Variants in CA10 observed in about 807,000 individuals in gnomAD.
CA10 encodes the protein carbonic anhydrase 10 (inactive), also known as carbonic anhydrase-related protein 10.
CA10 carries 14 observed loss-of-function variants against 44.2 expected under a neutral mutation model. That is an observed-to-expected ratio of 0.32 (90% CI 0.21 to 0.50). CA10 has a LOEUF of 0.50. Ranked by LOEUF, CA10 falls within the 20% of genes least tolerant of loss-of-function variation. The probability of loss-of-function intolerance (pLI) is 0.99; values close to 1 mark genes in which losing one functional copy is unlikely to be tolerated. For synonymous variants in CA10, 159 were observed against 141.6 expected, an observed-to-expected ratio of 1.12 and a Z score of -0.87; for missense variants, 350 against 409.7, an observed-to-expected ratio of 0.85 and a Z score of 1.26.
chr17:52,081,519 G>T (rs1488007259), intron 1 of CA10, among the ~76,000 whole-genome samples: 1 of 152,160 alleles, frequency 6.6e-6, no homozygotes, highest in African/African-American at 2.4e-5. Context: ...TAGATGAAGC[G>T]GCCGGGCGCG....
At chr17:51,649,111 T>G in intron 6 of CA10, 71 bp downstream of exon 6, 1 of 1,093,166 alleles carries the variant, frequency 9.1e-7, no homozygotes, top group African/African-American at 1.5e-5. Flanking sequence ...TCATCAGTTC[T>G]GGCTTCCCGC....
intron 2 of CA10, among the ~76,000 whole-genome samples, chr17:51,948,654 T>C (rs1369658260): frequency 6.6e-6 from 1 of 152,178 alleles, no homozygotes; most frequent in African/African-American, 2.4e-5. Context: ...TTCCTTTTAT[T>C]ATGACTTTTT....
intron 3 of CA10, among the ~76,000 whole-genome samples, chr17:51,864,802 G>A (rs918463075): frequency 6.6e-6 from 1 of 152,144 alleles, no homozygotes; most frequent in Non-Finnish European, 1.5e-5. Context: ...CAACATGCAG[G>A]CTCACAACTC....
chr17:51,671,192 C>T (rs1487577442), intron 4 of CA10, among the ~76,000 whole-genome samples: 6 of 152,148 alleles, frequency 3.9e-5, no homozygotes, highest in East Asian at 1.9e-4. Flanking sequence ...GATTGGGGGC[C>T]GGCCTTTGGC....
At chr17:51,902,201 G>A (rs991281296) in intron 3 of CA10, among the ~76,000 whole-genome samples, 3 of 152,080 alleles carry the variant, frequency 2.0e-5, no homozygotes, top group East Asian at 1.9e-4. Flanking sequence ...TTGGGGCCTC[G>A]AGAAAACCTA....
intron 3 of CA10, among the ~76,000 whole-genome samples, chr17:51,849,998 A>T (rs1156394682): frequency 1.3e-5 from 2 of 152,216 alleles, no homozygotes; most frequent in African/African-American, 2.4e-5. Context: ...CTTCCCGAAG[A>T]CATGCTTCAA....
At chr17:52,115,647 G>A (rs1439291613) in intron 1 of CA10, among the ~76,000 whole-genome samples, 1 of 152,210 alleles carries the variant, frequency 6.6e-6, no homozygotes, top group Non-Finnish European at 1.5e-5. Context: ...ACAGATGGGT[G>A]AGCAGCAGCT....
In CA10 at chr17:51,781,365, T is replaced by C. The variant is rs1188036886; in HGVS notation, c.280-33547A>G. On this transcript the variant is annotated intron_variant, in intron 3 of 8. Transcript: ENST00000451037. ...CACTTTCTCCATAATTGGGATGCAT[T>C]TGAAGATGGAGATGTGGGATTGTCA... Among the ~76,000 whole-genome samples the C allele has an allele frequency of 2.6e-5, 4 of 152,322 alleles. No homozygotes were observed. The East Asian group carries it at 7.7e-4, about 29-fold the overall frequency.
intron 2 of CA10, among the ~76,000 whole-genome samples, chr17:51,947,683 C>CT (rs1983336039): frequency 6.6e-6 from 1 of 152,130 alleles, no homozygotes; most frequent in South Asian, 2.1e-4. Flanking sequence ...ACTTTCTGCT[C>CT]TTTCTTTCAA....
intron 1 of CA10, among the ~76,000 whole-genome samples, chr17:52,100,012 G>T (rs1366607155): frequency 2.0e-5 from 3 of 152,186 alleles, no homozygotes; most frequent in Non-Finnish European, 4.4e-5. Flanking sequence ...AAGAATGTCA[G>T]AAAGGACGTA....
chr17:51,870,707 A>G (rs918288326), intron 3 of CA10, among the ~76,000 whole-genome samples: 1 of 152,240 alleles, frequency 6.6e-6, no homozygotes, highest in Non-Finnish European at 1.5e-5. Flanking sequence ...TCAAGGAAGC[A>G]TTGGCACAGG....
intron 3 of CA10, among the ~76,000 whole-genome samples, chr17:51,923,111 G>A (rs537826108): frequency 7.1e-4 from 108 of 152,266 alleles, no homozygotes; most frequent in African/African-American, 2.6e-3. Flanking sequence ...CAGAGTTTCA[G>A]TGTAAAAAGA....
At chr17:52,057,322 TC>T (rs1278643299) in intron 2 of CA10, among the ~76,000 whole-genome samples, 1 of 151,992 alleles carries the variant, frequency 6.6e-6, no homozygotes. Context: ...CTTCCTCTTT[TC>T]CCTCCTCCTC....
In CA10 at chr17:51,630,542, C is replaced by T. The variant is rs989856725; in HGVS notation, c.*1042G>A. ...TTTTGAAACGCAAGAAGTCTGTCGC[C>T]TGCTATCTCAGGCTGAAGCTCACCT... is the stretch of plus-strand genomic sequence containing the variant. On this transcript the variant is annotated 3_prime_UTR_variant, in exon 9 of 9. Coordinates refer to ENST00000451037, the MANE Select transcript of CA10 (RefSeq NM_020178.5). 1.6e-4 allele frequency: 24 copies of T among 152,740 alleles called. No individual in the cohort carries two copies. The highest frequency in any genetic ancestry group is 5.5e-4 in the African/African-American group (23 of 41,574). 9.5% of individuals were successfully genotyped at this position (152,740 alleles called of 1,614,324 possible).
At chr17:51,952,364 T>A (rs1234119297) in intron 2 of CA10, among the ~76,000 whole-genome samples, 1 of 152,152 alleles carries the variant, frequency 6.6e-6, no homozygotes, top group Non-Finnish European at 1.5e-5. Flanking sequence ...TATTCTGAGG[T>A]ACCGGGGGTT....
chr17:52,106,076 G>A (rs904521181), intron 1 of CA10, among the ~76,000 whole-genome samples: 1 of 152,234 alleles, frequency 6.6e-6, no homozygotes, highest in Non-Finnish European at 1.5e-5. Flanking sequence ...TAAAGCCAAA[G>A]ATCTTTCTTG....
intron 3 of CA10, among the ~76,000 whole-genome samples, chr17:51,780,584 A>G (rs143624702): frequency 5.3e-5 from 8 of 152,344 alleles, no homozygotes; most frequent in African/African-American, 1.9e-4. Context: ...AGGGGTAAGG[A>G]TGCAAGGTCA....
chr17:51,929,813 T>C (rs931064057), intron 3 of CA10, among the ~76,000 whole-genome samples: 2 of 152,206 alleles, frequency 1.3e-5, no homozygotes, highest in Non-Finnish European at 2.9e-5. Context: ...TCGTTTTATA[T>C]GGAATCAGAG....
chr17:52,004,428 C>T (rs1465939530), intron 2 of CA10, among the ~76,000 whole-genome samples: 1 of 151,884 alleles, frequency 6.6e-6, no homozygotes, highest in Non-Finnish European at 1.5e-5. Context: ...AAGTCAGCTG[C>T]ATATTTCTAA....
Sources: gnomAD v4.1 joint callset for allele counts (sites outside exome capture counted in the v4.1 genomes callset) on GRCh38, gnomAD v4.1.1 for gene constraint, MANE v1.5 for transcripts, NCBI Gene and HGNC (gene_info 2026-07-23, HGNC 2026-07-21) for gene names.